GRID2IP: variants seen among roughly 807,000 people sequenced by gnomAD.
The protein encoded by GRID2IP is delphilin.
GRID2IP carries 78 observed loss-of-function variants against 114.3 expected under a neutral mutation model. The ratio of observed to expected loss-of-function variants is 0.68; its 90% confidence interval spans 0.57 to 0.82. The LOEUF is 0.82. Among genes scored for constraint, GRID2IP ranks in the 40% least tolerant of loss-of-function variants. The probability of loss-of-function intolerance (pLI) is 0.00; values close to 1 mark genes in which losing one functional copy is unlikely to be tolerated. For synonymous variants in GRID2IP, 809 were observed against 724.0 expected, an observed-to-expected ratio of 1.12 and a Z score of -1.89; for missense variants, 1,727 against 1,678.5, an observed-to-expected ratio of 1.03 and a Z score of -0.51.
chr7:6,537,370 CTTTTTTTTTT>C (rs772469574), intron 2 of GRID2IP, among the ~76,000 whole-genome samples: 1 of 58,356 alleles, frequency 1.7e-5, no homozygotes, highest in East Asian at 5.7e-4. Context: ...ATGGTGAGAC[CTTTTTTTTTT>C]TTTTTTTTTT....
Position 6,521,002 on chromosome 7 carries a change from G to C in GRID2IP, c.1085-241C>G, listed in dbSNP as rs567020974. ...TTTGTTTGTTTTGAGACAGAGTCTT[G>C]CTCTGTTGCCCAGGCGGGAGTGCAA... On this transcript the variant is annotated intron_variant, in intron 6 of 21. Coordinates refer to ENST00000457091, the MANE Select transcript of GRID2IP (RefSeq NM_001145118.2). The surrounding 1 kb of genome is among the most constrained non-coding windows in gnomAD (Gnocchi z 4.1). Among the ~76,000 whole-genome samples the C allele has an allele frequency of 2.7e-3, 413 of 152,260 alleles. 6 individuals are homozygous for C. Among genetic ancestry groups the C allele is most frequent in the Non-Finnish European group, 4.9e-3 (333 of 68,006 alleles).
In GRID2IP at chr7:6,516,666, G is replaced by C. The variant is rs902710461; in HGVS notation, c.1269-2137C>G. On this transcript the variant is annotated intron_variant, in intron 7 of 21. Coordinates refer to ENST00000457091, the MANE Select transcript of GRID2IP (RefSeq NM_001145118.2). This position sits in a 1 kb window ranked among gnomAD's most constrained non-coding sequence, Gnocchi z 4.3. ...CACCCAGAGGCCTAACGCTGTCCCT[G>C]TGATGCTGTGCTTCAGTGGTCACGC... Among the ~76,000 whole-genome samples, 4 of 152,220 alleles carry C rather than the reference G, an allele frequency of 2.6e-5. No individual in the cohort carries two copies. Among genetic ancestry groups the C allele is most frequent in the African/African-American group, 9.6e-5 (4 of 41,456 alleles).
chr7:6,539,963 C>T, intron 1 of GRID2IP, 91 bp from the exon 2 acceptor site: 1 of 1,242,132 alleles, frequency 8.1e-7, no homozygotes, highest in Admixed American at 2.3e-5. Context: ...CCTCAGTTTA[C>T]CTACACGGGA....
intron 1 of GRID2IP, among the ~76,000 whole-genome samples, chr7:6,542,049 C>A (rs1199166607): frequency 6.6e-6 from 1 of 152,100 alleles, no homozygotes. Flanking sequence ...CACCTGTAAT[C>A]CCAGCACTTT....
At chr7:6,511,314 A>G (rs1467358914) in intron 8 of GRID2IP, among the ~76,000 whole-genome samples, 1 of 152,086 alleles carries the variant, frequency 6.6e-6, no homozygotes, top group African/African-American at 2.4e-5. Context: ...CAGAGTCTCA[A>G]CGCCCTGTGC....
intron 2 of GRID2IP, among the ~76,000 whole-genome samples, chr7:6,537,473 G>A (rs1177553823): frequency 6.9e-6 from 1 of 143,982 alleles, no homozygotes; most frequent in Non-Finnish European, 1.5e-5. Flanking sequence ...CCTCTCCTGG[G>A]TTCAAGTGAT....
At position 6,522,807 on chromosome 7, in the gene GRID2IP, A is replaced by ATGTGTGTGTGTGTGTGTG. The variant is rs72277817; in HGVS notation, c.920-868_920-851dup. On this transcript the variant is annotated intron_variant, in intron 4 of 21. Transcript: ENST00000457091. ...ACTACAGCCACCATGCCTGGCTAAT[A>ATGTGTGTGTGTGTGTGTG]TGTGTGTGTGTGTGTGTGTGTGTGT... Among the ~76,000 whole-genome samples, 268 of 147,680 alleles carry ATGTGTGTGTGTGTGTGTG rather than the reference A, an allele frequency of 1.8e-3. 2 individuals are homozygous for ATGTGTGTGTGTGTGTGTG. Among genetic ancestry groups the ATGTGTGTGTGTGTGTGTG allele is most frequent in the African/African-American group, 2.9e-3 (114 of 39,748 alleles).
Position 6,519,242 on chromosome 7 carries a change from C to A in GRID2IP, c.1268+1336G>T, listed in dbSNP as rs1383692883. 6.6e-6 allele frequency among the ~76,000 whole-genome samples: 1 copy of A among 152,036 alleles called. No homozygotes were observed. Among genetic ancestry groups the A allele is most frequent in the Non-Finnish European group, 1.5e-5 (1 of 68,018 alleles). On this transcript the variant is annotated intron_variant, in intron 7 of 21. Transcript: ENST00000457091. This position sits in a 1 kb window ranked among gnomAD's most constrained non-coding sequence, Gnocchi z 4.1. ...TGATGTGATGAAGTTTTAAAATGGA[C>A]CGTGGTGATGTTTGCACGTATTTGT...
At chr7:6,538,903 A>AAG (rs752917012) in intron 2 of GRID2IP, among the ~76,000 whole-genome samples, 1 of 151,628 alleles carries the variant, frequency 6.6e-6, no homozygotes, top group African/African-American at 2.4e-5. Flanking sequence ...GAAAGAGAGA[A>AAG]AGAGAGAGAG....
chr7:6,528,641 A>T lies in GRID2IP; in HGVS notation c.585-1872T>A, dbSNP rs889348818. 6.6e-6 allele frequency among the ~76,000 whole-genome samples: 1 copy of T among 152,174 alleles called. No individual in the cohort carries two copies. The highest frequency in any genetic ancestry group is 1.5e-5 in the Non-Finnish European group (1 of 68,030). On this transcript the variant is annotated intron_variant, in intron 2 of 21. Coordinates refer to ENST00000457091, the MANE Select transcript of GRID2IP (RefSeq NM_001145118.2). The surrounding 1 kb of genome is among the most constrained non-coding windows in gnomAD (Gnocchi z 6.0). ...TGCAGCTGAAAGACAAACCCCTCTG[A>T]GGTGTCCCAGCGGCCCTCACACTTC...
intron 2 of GRID2IP, among the ~76,000 whole-genome samples, chr7:6,531,386 G>C (rs1344098032): frequency 6.6e-6 from 1 of 152,212 alleles, no homozygotes; most frequent in Non-Finnish European, 1.5e-5. Flanking sequence ...GGCTCTCTCC[G>C]TTATTCCCTT....
intron 7 of GRID2IP, among the ~76,000 whole-genome samples, chr7:6,515,613 C>CA (rs926893390): frequency 4.0e-5 from 6 of 151,412 alleles, no homozygotes; most frequent in African/African-American, 7.3e-5. Context: ...CCTGTTTCTA[C>CA]AAAAAAATAC....
At chr7:6,500,361 G>A (rs1446690839) in intron 20 of GRID2IP, among the ~76,000 whole-genome samples, 7 of 152,158 alleles carry the variant, frequency 4.6e-5, no homozygotes, top group African/African-American at 1.4e-4. Flanking sequence ...CTACTCGGGA[G>A]GCTGAGGCAG....
chr7:6,535,754 G>A (rs1246306834), intron 2 of GRID2IP, among the ~76,000 whole-genome samples: 1 of 152,144 alleles, frequency 6.6e-6, no homozygotes, highest in Non-Finnish European at 1.5e-5. Flanking sequence ...TAGGGCCCAA[G>A]TGGTGGCTCT....
At position 6,511,321 on chromosome 7, in the gene GRID2IP, G is replaced by A. The variant is rs576319739; in HGVS notation, c.1424-282C>T. The stretch of plus-strand genomic sequence containing the variant: ...ACAGCTTCCAGAGTCTCAACGCCCT[G>A]TGCTTGCCCCAGGCCAAGTCACTGC... On this transcript the variant is annotated intron_variant, in intron 8 of 21. Coordinates refer to ENST00000457091, the MANE Select transcript of GRID2IP (RefSeq NM_001145118.2). 3.9e-5 allele frequency among the ~76,000 whole-genome samples: 6 copies of A among 152,302 alleles called. No homozygotes were observed. The East Asian group carries it at 1.2e-3, about 29-fold the overall frequency.
At chr7:6,541,654 C>G (rs985017409) in intron 1 of GRID2IP, among the ~76,000 whole-genome samples, 1 of 152,130 alleles carries the variant, frequency 6.6e-6, no homozygotes, top group East Asian at 1.9e-4. Flanking sequence ...TGGAAACGAG[C>G]GTGCAAATGC....
Position 6,525,250 on chromosome 7 carries a change from T to G in GRID2IP, c.919+974A>C, listed in dbSNP as rs188820828. 3.4e-3 allele frequency among the ~76,000 whole-genome samples: 515 copies of G among 151,950 alleles called. 1 individual carries two copies. Among genetic ancestry groups the G allele is most frequent in the African/African-American group, 0.011 (469 of 41,432 alleles). ...TGCACCTGGGAGGCAGAGGCTGCAG[T>G]GGGCTGAGATCATGCCATTGCACTC... is the stretch of plus-strand genomic sequence containing the variant. On this transcript the variant is annotated intron_variant, in intron 4 of 21. Transcript: ENST00000457091.
Position 6,509,889 on chromosome 7 carries a change from G to C in GRID2IP, c.1771+394C>G, listed in dbSNP as rs1200137220. On this transcript the variant is annotated intron_variant, in intron 11 of 21. Coordinates refer to ENST00000457091, the MANE Select transcript of GRID2IP (RefSeq NM_001145118.2). This position sits in a 1 kb window ranked among gnomAD's most constrained non-coding sequence, Gnocchi z 4.9. ...GTTGCTTATAGGCTAGAGTGCAGTG[G>C]TTCGAAATAGCTCACTGCAGCCTTG... Among the ~76,000 whole-genome samples, 5 of 152,190 alleles carry C rather than the reference G, an allele frequency of 3.3e-5. No homozygotes were observed. The highest frequency in any genetic ancestry group is 6.5e-5 in the Admixed American group (1 of 15,272).
intron 2 of GRID2IP, among the ~76,000 whole-genome samples, chr7:6,538,856 A>G (rs1779770634): frequency 6.6e-6 from 1 of 152,136 alleles, no homozygotes; most frequent in Non-Finnish European, 1.5e-5. Flanking sequence ...CCTGGGCGAT[A>G]GAGTGAGACT....
Sources: gnomAD v4.1 joint callset for allele counts (sites outside exome capture counted in the v4.1 genomes callset) on GRCh38, gnomAD v4.1.1 for gene constraint, Gnocchi (gnomAD v3.1) non-coding constraint, MANE v1.5 for transcripts, NCBI Gene and HGNC (gene_info 2026-07-23, HGNC 2026-07-21) for gene names.